The following PTPRD variants were observed in gnomAD, a reference collection of about 807,000 sequenced individuals.
The protein encoded by PTPRD is receptor-type tyrosine-protein phosphatase delta.
Under a neutral mutation model 214.5 loss-of-function variants are expected in PTPRD, and 34 were observed. That is an observed-to-expected ratio of 0.16 (90% CI 0.12 to 0.21). PTPRD has a LOEUF of 0.21. PTPRD is among the 10% of genes least tolerant of loss of function. The pLI is 1.00. For missense variants in PTPRD, 2,545 were observed against 2,398.7 expected, an observed-to-expected ratio of 1.06 and a Z score of -1.27; for synonymous variants, 1,128 against 845.7, an observed-to-expected ratio of 1.33 and a Z score of -5.79.
chr9:8,612,097 CT>C lies in PTPRD; in HGVS notation c.352+21219del, dbSNP rs1418745506. Among the ~76,000 whole-genome samples the C allele has an allele frequency of 2.7e-5, 4 of 150,706 alleles. No individual in the cohort carries two copies. In the East Asian group the frequency reaches 7.9e-4, roughly 30 times the overall value. On this transcript the variant is annotated intron_variant, in intron 14 of 45. Transcript: ENST00000381196. The stretch of plus-strand genomic sequence containing the variant: ...CCTTTTTGTACCTAAATATCAAGAC[CT>C]TGTGAAAAGAAAAGAAAACAAAACA...
At chr9:9,235,812 C>T (rs147014098) in intron 9 of PTPRD, among the ~76,000 whole-genome samples, 223 of 152,194 alleles carry the variant, frequency 1.5e-3, no homozygotes, top group Non-Finnish European at 2.9e-3. Flanking sequence ...ATGAAAAAAT[C>T]ATTTGTATAA....
chr9:9,085,840 T>A (rs887190951), intron 10 of PTPRD, among the ~76,000 whole-genome samples: 4 of 152,114 alleles, frequency 2.6e-5, no homozygotes, highest in Non-Finnish European at 5.9e-5. Flanking sequence ...AATTTAAGCC[T>A]CTCGAATCTA....
intron 11 of PTPRD, among the ~76,000 whole-genome samples, chr9:8,756,773 TA>T (rs1001626184): frequency 3.7e-4 from 56 of 151,804 alleles, no homozygotes; most frequent in African/African-American, 6.8e-4. Flanking sequence ...AAAAAATAAT[TA>T]AAAAAAAATT....
At chr9:8,658,666 A>T (rs978880568) in intron 12 of PTPRD, among the ~76,000 whole-genome samples, 1 of 135,518 alleles carries the variant, frequency 7.4e-6, no homozygotes, top group Non-Finnish European at 1.6e-5. Context: ...ATAAAAGCAC[A>T]TTTGGAAAAA....
chr9:8,485,873 T>C lies in PTPRD; in HGVS notation c.2944A>G (p.Thr982Ala), dbSNP rs1293794757. 1.9e-6 allele frequency: 3 copies of C among 1,614,020 alleles called. No homozygotes were observed. In the African/African-American group the frequency reaches 4.0e-5, roughly 22 times the overall value. Residue 982 changes from threonine to alanine, a missense_variant, in exon 28 of 46, where the codon ACT (threonine) becomes GCT (alanine). Transcript: ENST00000381196. ...IVPADTTMTL[T>A]GLKPDTTYDV... ...TATGTGGTATCTGGTTTTAAGCCAG[T>C]GAGTGTCATAGTGGTGTCAGCTGGA...
intron 45 of PTPRD, among the ~76,000 whole-genome samples, chr9:8,318,274 C>A (rs1020259654): frequency 6.6e-6 from 1 of 152,010 alleles, no homozygotes; most frequent in Non-Finnish European, 1.5e-5. Flanking sequence ...TTCTTACATG[C>A]CTTATAAGCA....
At chr9:9,873,183 A>G (rs535122088) in intron 5 of PTPRD, among the ~76,000 whole-genome samples, 6 of 152,270 alleles carry the variant, frequency 3.9e-5, no homozygotes, top group African/African-American at 9.6e-5. Context: ...CTCATCACCA[A>G]TGTATTGGGA....
intron 11 of PTPRD, among the ~76,000 whole-genome samples, chr9:8,746,266 T>C (rs1002493769): frequency 6.6e-6 from 1 of 152,140 alleles, no homozygotes; most frequent in South Asian, 2.1e-4. Context: ...GAGGGCAACA[T>C]GGCCATATTG....
intron 37 of PTPRD, among the ~76,000 whole-genome samples, chr9:8,378,573 A>C (rs1161371873): frequency 6.6e-6 from 1 of 152,106 alleles, no homozygotes; most frequent in Non-Finnish European, 1.5e-5. Flanking sequence ...GGTTGAGTTG[A>C]AGATTCAAGA....
chr9:10,080,737 T>A (rs116989113), intron 3 of PTPRD, among the ~76,000 whole-genome samples: 4,858 of 152,222 alleles, frequency 0.032, 98 homozygotes, highest in Middle Eastern at 0.082. Flanking sequence ...GGACTCCTAC[T>A]CCTTAGCTAG....
At chr9:9,653,069 G>A (rs1243389929) in intron 7 of PTPRD, among the ~76,000 whole-genome samples, 3 of 149,244 alleles carry the variant, frequency 2.0e-5, no homozygotes, top group Admixed American at 1.3e-4. Context: ...ATGGCCGGGC[G>A]CGGTGGCTCA....
chr9:10,082,630 C>A lies in PTPRD; in HGVS notation c.-544-48840G>T, dbSNP rs551254196. 8.6e-5 allele frequency among the ~76,000 whole-genome samples: 13 copies of A among 151,724 alleles called. No individual in the cohort carries two copies. In the East Asian group the frequency reaches 1.8e-3, roughly 21 times the overall value. Reference sequence around the variant, plus strand: ...TTTGAGCATTTGAGAAGTTATAAGGCCAAAAAGTAACTCAAAAATGATGCC... The same window carrying A: ...TTTGAGCATTTGAGAAGTTATAAGGACAAAAAGTAACTCAAAAATGATGCC... On this transcript the variant is annotated intron_variant, in intron 3 of 45. Transcript: ENST00000381196.
At chr9:9,551,717 T>C (rs2080301710) in intron 8 of PTPRD, among the ~76,000 whole-genome samples, 1 of 151,980 alleles carries the variant, frequency 6.6e-6, no homozygotes, top group Non-Finnish European at 1.5e-5. Flanking sequence ...CTACTGCATA[T>C]AGCCTGGGAT....
intron 5 of PTPRD, among the ~76,000 whole-genome samples, chr9:9,770,836 G>A (rs1358384338): frequency 6.6e-6 from 1 of 152,158 alleles, no homozygotes; most frequent in Non-Finnish European, 1.5e-5. Context: ...ATGAGAAGAG[G>A]AAGGGTAGGA....
chr9:10,083,167 G>A (rs938260195), intron 3 of PTPRD, among the ~76,000 whole-genome samples: 1 of 151,512 alleles, frequency 6.6e-6, no homozygotes. Flanking sequence ...GACCCTCTTA[G>A]TCCCCAGAAA....
At chr9:9,904,725 C>G (rs1042867324) in intron 5 of PTPRD, among the ~76,000 whole-genome samples, 4 of 151,950 alleles carry the variant, frequency 2.6e-5, no homozygotes, top group African/African-American at 9.7e-5. Flanking sequence ...GAGAATAAAG[C>G]TTAAACATCT....
chr9:10,503,893 G>T (rs573072314), intron 2 of PTPRD, among the ~76,000 whole-genome samples: 5 of 151,738 alleles, frequency 3.3e-5, no homozygotes, highest in African/African-American at 9.7e-5. Context: ...GAGGTGGGCG[G>T]ATCATAAGGT....
At chr9:8,950,416 G>A (rs1273854217) in intron 11 of PTPRD, among the ~76,000 whole-genome samples, 1 of 151,398 alleles carries the variant, frequency 6.6e-6, no homozygotes, top group African/African-American at 2.4e-5. Flanking sequence ...GAGTCCAGTT[G>A]AGAAGAAAGC....
intron 12 of PTPRD, among the ~76,000 whole-genome samples, chr9:8,725,764 A>G (rs933375386): frequency 6.6e-6 from 1 of 152,138 alleles, no homozygotes; most frequent in Admixed American, 6.5e-5. Context: ...ACACATAGAG[A>G]TTTGTACCCT....
Sources: gnomAD v4.1 joint callset for allele counts (sites outside exome capture counted in the v4.1 genomes callset) on GRCh38, gnomAD v4.1.1 for gene constraint, MANE v1.5 for transcripts, NCBI Gene and HGNC (gene_info 2026-07-23, HGNC 2026-07-21) for gene names.